ZC3H15: variants seen among roughly 807,000 people sequenced by gnomAD.
ZC3H15 encodes zinc finger CCCH domain-containing protein 15.
In ZC3H15, 15 loss-of-function variants were observed where a neutral mutation model predicts 51.2. The observed-to-expected ratio is 0.29, with a 90% CI of 0.20 to 0.45. The LOEUF (loss-of-function observed/expected upper bound fraction) is 0.45. ZC3H15 is among the 20% of genes least tolerant of loss of function. The pLI is 1.00. For missense variants in ZC3H15, 381 were observed against 494.7 expected, an observed-to-expected ratio of 0.77 and a Z score of 2.18; for synonymous variants, 144 against 162.8, an observed-to-expected ratio of 0.88 and a Z score of 0.88.
intron 2 of ZC3H15, chr2:186,497,148 T>C: frequency 2.3e-6 from 1 of 442,192 alleles, no homozygotes; most frequent in South Asian, 1.7e-5. Context: ...TTTCCACCAT[T>C]TTTATCTCCT....
At chr2:186,486,667 C>T (rs1008070385) in intron 1 of ZC3H15, among the ~76,000 whole-genome samples, 6 of 152,200 alleles carry the variant, frequency 3.9e-5, no homozygotes, top group African/African-American at 9.6e-5. Context: ...CTGGGCTTTG[C>T]CTCTCCGCCC....
rs1685428305 is a variant in ZC3H15 at position 186,504,020 on chromosome 2, T to C, written c.535-12T>C. On this transcript the variant is annotated splice_polypyrimidine_tract_variant and intron_variant, in intron 5 of 9. Coordinates refer to ENST00000337859, the MANE Select transcript of ZC3H15 (RefSeq NM_018471.3). ...ACTGAGCCACCGCTTGTGAATAATA[T>C]TGTCTCTATAGGTGTGCAAGCATTT... 2 of 1,543,262 alleles carry C rather than the reference T, an allele frequency of 1.3e-6. No homozygotes were observed.
chr2:186,503,520 G>T (rs1006532687), intron 5 of ZC3H15, among the ~76,000 whole-genome samples: 1 of 152,104 alleles, frequency 6.6e-6, no homozygotes, highest in Non-Finnish European at 1.5e-5. Context: ...GGGGTTACAG[G>T]CATGTGCCAC....
intron 1 of ZC3H15, among the ~76,000 whole-genome samples, chr2:186,493,502 C>T (rs2105586821): frequency 6.6e-6 from 1 of 152,214 alleles, no homozygotes; most frequent in Admixed American, 6.5e-5. Flanking sequence ...CAGATATTAG[C>T]ATTTGGTTTC....
chr2:186,500,538 A>G (rs1217833414), intron 3 of ZC3H15: 4 of 617,388 alleles, frequency 6.5e-6, no homozygotes, highest in African/African-American at 1.8e-5. Context: ...GTAATTTAAT[A>G]GACTGCTAAT....
At chr2:186,507,018 A>AT (rs1326044595) in intron 9 of ZC3H15, among the ~76,000 whole-genome samples, 182 bp downstream of exon 9, 1 of 152,178 alleles carries the variant, frequency 6.6e-6, no homozygotes, top group East Asian at 1.9e-4. Context: ...CTGGGTGTAT[A>AT]TTAAAATCAT....
At chr2:186,496,327 C>T (rs1252799154) in intron 2 of ZC3H15, among the ~76,000 whole-genome samples, 2 of 152,208 alleles carry the variant, frequency 1.3e-5, no homozygotes, top group Admixed American at 1.3e-4. Context: ...AAGCCATCCA[C>T]CTGCCTCATC....
intron 8 of ZC3H15, chr2:186,506,122 A>G: frequency 2.2e-6 from 1 of 459,146 alleles, no homozygotes; most frequent in Non-Finnish European, 4.0e-6. Flanking sequence ...TATATGTATT[A>G]CCTGTAAAAA....
Position 186,505,593 on chromosome 2 carries a change from T to C in ZC3H15, c.860T>C (p.Leu287Pro), listed in dbSNP as rs1328632128. Residue 287 changes from leucine to proline, a missense_variant, in exon 7 of 10, where the codon CTA (leucine) becomes CCA (proline). Around this residue, in one of 3 missense-constraint regions of ZC3H15, gnomAD observed 215 missense variants for 241.8 expected, o/e 0.89. Transcript: ENST00000337859. ...RKADFKAGKA[L>P]VISGREVFEF... ...GCTGACTTCAAAGCAGGGAAAGCAC[T>C]AGTGGTATGTCTCAGGCTCACCCAA... 15 of 1,604,994 alleles carry C rather than the reference T, an allele frequency of 9.3e-6. No homozygotes were observed. The highest frequency in any genetic ancestry group is 1.3e-5 in the Non-Finnish European group (15 of 1,176,556).
At chr2:186,491,961 T>A (rs1297432465) in intron 1 of ZC3H15, among the ~76,000 whole-genome samples, 1 of 152,164 alleles carries the variant, frequency 6.6e-6, no homozygotes, top group Non-Finnish European at 1.5e-5. Context: ...TTTTTTTTCT[T>A]CTTCTGGGAT....
intron 5 of ZC3H15, 40 bp downstream of exon 5, chr2:186,502,627 C>A: frequency 1.3e-6 from 2 of 1,495,048 alleles, no homozygotes; most frequent in Non-Finnish European, 9.2e-7. Context: ...TGATATTTAT[C>A]ATTAGGGAGA....
At chr2:186,490,519 G>A (rs1296972426) in intron 1 of ZC3H15, among the ~76,000 whole-genome samples, 1 of 152,182 alleles carries the variant, frequency 6.6e-6, no homozygotes, top group Non-Finnish European at 1.5e-5. Context: ...TTAACCAGTT[G>A]CATAATATAT....
intron 1 of ZC3H15, chr2:186,488,522 G>C (rs1349592997): frequency 6.6e-6 from 1 of 152,194 alleles, no homozygotes; most frequent in Non-Finnish European, 1.5e-5. Flanking sequence ...TTGCTGAAAA[G>C]TATTCTCTTG....
At chr2:186,490,979 G>T (rs1367825446) in intron 1 of ZC3H15, among the ~76,000 whole-genome samples, 1 of 152,168 alleles carries the variant, frequency 6.6e-6, no homozygotes, top group African/African-American at 2.4e-5. Context: ...GTTTGGGGTT[G>T]ACTGTAACCT....
In ZC3H15 at chr2:186,504,177, A is replaced by C; in HGVS notation, c.680A>C (p.Glu227Ala). 6.2e-7 allele frequency: 1 copy of C among 1,603,474 alleles called. No homozygotes were observed. Among genetic ancestry groups the C allele is most frequent in the Non-Finnish European group, 8.5e-7 (1 of 1,174,508 alleles). Residue 227 changes from glutamate (E) to alanine (A), a missense_variant, in exon 6 of 10, where the codon GAA becomes GCA. Glu to Ala is a moderately radical substitution (Grantham distance 107). Around this residue, in one of 3 missense-constraint regions of ZC3H15, gnomAD observed 215 missense variants for 241.8 expected, o/e 0.89. Coordinates refer to ENST00000337859, the MANE Select transcript of ZC3H15 (RefSeq NM_018471.3). Reference protein sequence around the residue: ...LKKDKKKEEKEDEISLEDLIE... With the variant: ...LKKDKKKEEKADEISLEDLIE... ...AAAGATAAAAAGAAAGAAGAGAAAG[A>C]AGATGAAATTTCATTAGAAGATCTA...
Position 186,504,015 on chromosome 2 carries a change from T to A in ZC3H15, c.535-17T>A, listed in dbSNP as rs1365356001. 3 of 1,539,974 alleles carry A rather than the reference T, an allele frequency of 1.9e-6. No individual in the cohort carries two copies. Among genetic ancestry groups the A allele is most frequent in the Non-Finnish European group, 2.6e-6 (3 of 1,144,856 alleles). ...CCTACACTGAGCCACCGCTTGTGAA[T>A]AATATTGTCTCTATAGGTGTGCAAG... On this transcript the variant is annotated splice_polypyrimidine_tract_variant and intron_variant, in intron 5 of 9. Coordinates refer to ENST00000337859, the MANE Select transcript of ZC3H15 (RefSeq NM_018471.3).
At chr2:186,502,724 C>T (rs1414473791) in intron 5 of ZC3H15, 137 bp downstream of exon 5, 11 of 628,366 alleles carry the variant, frequency 1.8e-5, no homozygotes, top group African/African-American at 3.7e-5. Context: ...ATAAGGTACA[C>T]GAAGCTTTAT....
chr2:186,490,703 T>G (rs1057158648), intron 1 of ZC3H15, among the ~76,000 whole-genome samples: 13 of 152,308 alleles, frequency 8.5e-5, no homozygotes, highest in African/African-American at 2.9e-4. Context: ...AAACATCTTA[T>G]TTAAGCAGTG....
intron 1 of ZC3H15, among the ~76,000 whole-genome samples, chr2:186,492,267 G>C (rs1685213150): frequency 6.6e-6 from 1 of 152,094 alleles, no homozygotes; most frequent in Admixed American, 6.5e-5. Context: ...GAAAAGTATG[G>C]CATTTTATAC....
Sources: allele counts gnomAD v4.1 joint callset (sites outside exome capture counted in the v4.1 genomes callset), GRCh38; gene constraint gnomAD v4.1.1; regional missense constraint gnomAD v4.1.1; transcripts MANE v1.5; gene names NCBI Gene and HGNC (gene_info 2026-07-23, HGNC 2026-07-21).